SDK1: variants seen among roughly 807,000 people sequenced by gnomAD.
SDK1 encodes the protein sidekick cell adhesion molecule 1.
A neutral mutation model predicts 245.5 loss-of-function variants in SDK1; 157 were observed. The ratio of observed to expected loss-of-function variants is 0.64; its 90% CI spans 0.56 to 0.73. The LOEUF (loss-of-function observed/expected upper bound fraction) is 0.73. Ranked by LOEUF, SDK1 falls within the 30% of genes least tolerant of loss-of-function variation. The pLI is 0.00. For synonymous variants in SDK1, 1,647 were observed against 1,278.5 expected, an observed-to-expected ratio of 1.29 and a Z score of -6.15; for missense variants, 3,583 against 3,002.3, an observed-to-expected ratio of 1.19 and a Z score of -4.52.
chr7:3,354,397 C>A, intron 1 of SDK1, among the ~76,000 whole-genome samples: 1 of 151,576 alleles, frequency 6.6e-6, no homozygotes, highest in East Asian at 1.9e-4. Flanking sequence ...ACATTTATGT[C>A]TGGAAAGTTG....
intron 5 of SDK1, among the ~76,000 whole-genome samples, chr7:3,887,427 A>G (rs976840256): frequency 1.3e-5 from 2 of 152,136 alleles, no homozygotes; most frequent in African/African-American, 4.8e-5. Context: ...CATGGAAAGC[A>G]TGTTTCCCAG....
intron 5 of SDK1, among the ~76,000 whole-genome samples, chr7:3,825,318 TAAAAAAA>T (rs763807672): frequency 5.7e-4 from 41 of 71,400 alleles, no homozygotes; most frequent in African/African-American, 1.9e-3. Context: ...TTTCTTCCTC[TAAAAAAA>T]AAAAAAAAAA....
intron 1 of SDK1, among the ~76,000 whole-genome samples, chr7:3,464,472 G>A (rs190968736): frequency 1.3e-5 from 2 of 152,246 alleles, no homozygotes; most frequent in South Asian, 2.1e-4. Flanking sequence ...AGTGAACTAC[G>A]ATTTCGCCAC....
At chr7:3,683,855 C>G (rs1784191676) in intron 4 of SDK1, among the ~76,000 whole-genome samples, 1 of 152,198 alleles carries the variant, frequency 6.6e-6, no homozygotes, top group African/African-American at 2.4e-5. Flanking sequence ...GCTCCAAGAA[C>G]AGTCCTGTTT....
rs548985581 is a variant in SDK1 at position 3,495,295 on chromosome 7, C to A, written c.299-123785C>A. 2.5e-3 allele frequency among the ~76,000 whole-genome samples: 330 copies of A among 133,038 alleles called. 3 individuals are homozygous for A. Among genetic ancestry groups the A allele is most frequent in the Admixed American group, 3.7e-3 (41 of 11,020 alleles). 87.3% of individuals were successfully genotyped at this position (133,038 alleles called of 152,430 possible). A position where few individuals can be genotyped will look rare whatever the true frequency, so the allele number is the denominator to read the frequency against. ...TTTTTTGAAGCGGAGTCTCGCTCTGCCACCCAGGCTGGAGTGCAGTGTTGC... is the reference window on the plus strand; with the variant it reads ...TTTTTTGAAGCGGAGTCTCGCTCTGACACCCAGGCTGGAGTGCAGTGTTGC... On this transcript the variant is annotated intron_variant, in intron 1 of 44. Coordinates refer to ENST00000404826, the MANE Select transcript of SDK1 (RefSeq NM_152744.4).
intron 8 of SDK1, among the ~76,000 whole-genome samples, chr7:3,960,218 C>G (rs1158179113): frequency 6.6e-6 from 1 of 152,200 alleles, no homozygotes; most frequent in East Asian, 1.9e-4. Context: ...CTGGGCCACT[C>G]AATGAAATGG....
chr7:3,957,967 A>G (rs755725059), intron 7 of SDK1: 7 of 470,640 alleles, frequency 1.5e-5, no homozygotes, highest in Non-Finnish European at 3.1e-5. Context: ...CTCCTTCCAG[A>G]AACCTTCAGC....
Position 3,942,575 on chromosome 7 carries a change from C to CGT in SDK1, c.848-8335_848-8334dup, listed in dbSNP as rs763368734. Among the ~76,000 whole-genome samples the CGT allele has an allele frequency of 1.2e-4, 18 of 148,286 alleles. No individual in the cohort carries two copies. The South Asian group carries it at 1.9e-3, about 16-fold the overall frequency. On this transcript the variant is annotated intron_variant, in intron 5 of 44. Transcript: ENST00000404826. ...GAGCTTTTAAAATAGGGTCTTTTTC[C>CGT]GTGTGTGTGTGTGTTTTAAAAAAAT...
At chr7:3,754,286 C>G (rs1172282910) in intron 4 of SDK1, among the ~76,000 whole-genome samples, 2 of 152,124 alleles carry the variant, frequency 1.3e-5, no homozygotes, top group South Asian at 2.1e-4. Flanking sequence ...ATGTATTACA[C>G]CCTTCAGCAA....
At chr7:3,695,453 T>G (rs1178724428) in intron 4 of SDK1, among the ~76,000 whole-genome samples, 2 of 152,244 alleles carry the variant, frequency 1.3e-5, no homozygotes, top group African/African-American at 4.8e-5. Context: ...CTCTTACATA[T>G]GTTTTTTGTT....
At chr7:3,450,145 C>T (rs749625044) in intron 1 of SDK1, among the ~76,000 whole-genome samples, 11 of 152,156 alleles carry the variant, frequency 7.2e-5, no homozygotes, top group African/African-American at 2.2e-4. Context: ...TGGTAAAGTC[C>T]GTTATTCTGT....
At chr7:4,132,539 T>C (rs371457709) in intron 28 of SDK1, 116 bp downstream of exon 28, 21 of 663,318 alleles carry the variant, frequency 3.2e-5, no homozygotes, top group East Asian at 2.0e-4. Flanking sequence ...CTGGGCAACA[T>C]TGTGAGACCC....
intron 1 of SDK1, among the ~76,000 whole-genome samples, chr7:3,489,178 G>A (rs1487808667): frequency 1.3e-5 from 2 of 152,088 alleles, no homozygotes; most frequent in South Asian, 2.1e-4. Flanking sequence ...AAGGCTAGGG[G>A]TGGGTGCAGG....
At chr7:3,650,536 A>G (rs1171805256) in intron 4 of SDK1, among the ~76,000 whole-genome samples, 5 of 152,126 alleles carry the variant, frequency 3.3e-5, no homozygotes, top group Non-Finnish European at 7.4e-5. Flanking sequence ...GAAATAATGT[A>G]GGGTGATTTT....
chr7:3,562,958 T>C (rs1347950454), intron 1 of SDK1, among the ~76,000 whole-genome samples: 1 of 151,354 alleles, frequency 6.6e-6, no homozygotes, highest in Non-Finnish European at 1.5e-5. Context: ...GCAAAGTTCA[T>C]TGATGTCTTG....
intron 1 of SDK1, among the ~76,000 whole-genome samples, chr7:3,444,205 T>G (rs1433575499): frequency 6.6e-6 from 1 of 152,220 alleles, no homozygotes; most frequent in Non-Finnish European, 1.5e-5. Context: ...GTCTGCCAGC[T>G]GTTGGCCTTC....
chr7:3,991,176 G>A lies in SDK1; in HGVS notation c.2131+3854G>A, dbSNP rs548906420. ...CAAAGAAGATGTGACATGAGACCTG[G>A]GCCAGACGGGCGACGAGGGACAGCA... On this transcript the variant is annotated intron_variant, in intron 14 of 44. Transcript: ENST00000404826. Among the ~76,000 whole-genome samples, 6 of 152,310 alleles carry A rather than the reference G, an allele frequency of 3.9e-5. No homozygotes were observed. The South Asian group carries it at 1.0e-3, about 26-fold the overall frequency.
At chr7:3,911,446 G>T (rs1387816356) in intron 5 of SDK1, among the ~76,000 whole-genome samples, 3 of 152,116 alleles carry the variant, frequency 2.0e-5, no homozygotes, top group Non-Finnish European at 4.4e-5. Flanking sequence ...GTCTGGTGAG[G>T]GCTCATTTCT....
At chr7:3,956,267 G>A (rs1416896944) in intron 7 of SDK1, among the ~76,000 whole-genome samples, 1 of 152,118 alleles carries the variant, frequency 6.6e-6, no homozygotes, top group African/African-American at 2.4e-5. Context: ...ATTTACAATG[G>A]GTTTTCCCCA....
Sources: gnomAD v4.1 joint callset for allele counts (sites outside exome capture counted in the v4.1 genomes callset) on GRCh38, gnomAD v4.1.1 for gene constraint, MANE v1.5 for transcripts, NCBI Gene and HGNC (gene_info 2026-07-23, HGNC 2026-07-21) for gene names.